The following PDE4D variants were observed in gnomAD, a reference collection of about 807,000 sequenced individuals.
The protein encoded by PDE4D is phosphodiesterase 4D.
In PDE4D, 24 loss-of-function variants were observed where a neutral mutation model predicts 87.4. That is an observed-to-expected ratio of 0.27 (90% CI 0.20 to 0.39). The LOEUF is 0.39. Ranked by LOEUF, PDE4D falls within the 10% of genes least tolerant of loss-of-function variation. PDE4D has a pLI of 1.00. For synonymous variants in PDE4D, 384 were observed against 383.2 expected (o/e 1.00, Z -0.02); for missense variants, 714 against 1,041.0 (o/e 0.69, Z 4.32).
intron 2 of PDE4D, among the ~76,000 whole-genome samples, chr5:60,008,695 T>C (rs1380818738): frequency 6.6e-6 from 1 of 152,000 alleles, no homozygotes; most frequent in East Asian, 1.9e-4. Flanking sequence ...AATGAATGAA[T>C]ATTTGGGGGA....
chr5:60,317,257 T>A (rs1315019351), intron 1 of PDE4D, among the ~76,000 whole-genome samples: 1 of 152,190 alleles, frequency 6.6e-6, no homozygotes, highest in African/African-American at 2.4e-5. Flanking sequence ...TCTTCTAGAT[T>A]TTCTAGTTTA....
At chr5:59,504,939 T>C (rs867129491) in intron 1 of PDE4D, among the ~76,000 whole-genome samples, 192 of 134,786 alleles carry the variant, frequency 1.4e-3, no homozygotes, top group African/African-American at 2.5e-3. Context: ...TGTGTGTGTG[T>C]GCGTGCGCGT....
intron 1 of PDE4D, among the ~76,000 whole-genome samples, chr5:59,514,479 GGGCC>G (rs1810835604): frequency 6.6e-6 from 1 of 151,868 alleles, no homozygotes; most frequent in South Asian, 2.1e-4. Context: ...AAATTACTAG[GGGCC>G]CCACTTTTCT....
At chr5:59,484,235 G>A (rs1315706781) in intron 1 of PDE4D, among the ~76,000 whole-genome samples, 5 of 152,166 alleles carry the variant, frequency 3.3e-5, no homozygotes, top group Admixed American at 1.3e-4. Context: ...TTTTTGAGGG[G>A]CTTCCCCTCC....
chr5:60,180,476 C>T (rs1230226009), intron 2 of PDE4D, among the ~76,000 whole-genome samples: 2 of 151,956 alleles, frequency 1.3e-5, no homozygotes, highest in Non-Finnish European at 2.9e-5. Flanking sequence ...TTCAGCCTTC[C>T]TAAAAAGAAT....
chr5:60,431,318 G>C lies in PDE4D; in HGVS notation c.-90+56624C>G, dbSNP rs1469864288. Among the ~76,000 whole-genome samples, 23 of 151,862 alleles carry C rather than the reference G, an allele frequency of 1.5e-4. 1 individual carries two copies. The highest frequency in any genetic ancestry group is 1.4e-3 in the Admixed American group (21 of 15,256). ...GGAGGGGCTCCTCACTTCTCAGACG[G>C]GGCGGTTGCCAGGCAGAGGGTCTCC... is the stretch of plus-strand genomic sequence containing the variant. On this transcript the variant is annotated intron_variant, in intron 1 of 16. Transcript: ENST00000502484.
intron 5 of PDE4D, among the ~76,000 whole-genome samples, chr5:59,056,155 T>C (rs1458676562): frequency 6.6e-6 from 1 of 152,078 alleles, no homozygotes; most frequent in Non-Finnish European, 1.5e-5. Context: ...GGGAATAGCG[T>C]GTGAACCACA....
intron 1 of PDE4D, chr5:60,429,911 C>T: frequency 9.9e-6 from 4 of 403,936 alleles, no homozygotes; most frequent in South Asian, 7.6e-5. Context: ...AGTTAGTTCA[C>T]ATTCACACCG....
chr5:59,067,545 A>T (rs1462854545), intron 5 of PDE4D, among the ~76,000 whole-genome samples: 1 of 152,154 alleles, frequency 6.6e-6, no homozygotes, highest in Non-Finnish European at 1.5e-5. Context: ...TAGGTTTCTG[A>T]TACAGTTTTT....
intron 1 of PDE4D, among the ~76,000 whole-genome samples, chr5:60,325,910 C>A (rs1383042454): frequency 6.6e-6 from 1 of 152,080 alleles, no homozygotes; most frequent in Non-Finnish European, 1.5e-5. Flanking sequence ...TAATTTGAAT[C>A]ATATAGTATG....
chr5:60,238,658 ATTGT>A (rs1164105422), intron 1 of PDE4D, among the ~76,000 whole-genome samples: 4 of 151,832 alleles, frequency 2.6e-5, no homozygotes, highest in South Asian at 2.1e-4. Context: ...TTTTCTGTCG[ATTGT>A]TTGTTCATAT....
intron 1 of PDE4D, among the ~76,000 whole-genome samples, chr5:59,841,235 G>C (rs138423870): frequency 5.3e-5 from 8 of 152,156 alleles, no homozygotes; most frequent in African/African-American, 1.9e-4. Context: ...TCTGCTTCTT[G>C]AACTGGAAGT....
At chr5:59,497,474 A>G (rs895395187) in intron 1 of PDE4D, among the ~76,000 whole-genome samples, 2 of 152,080 alleles carry the variant, frequency 1.3e-5, no homozygotes, top group Admixed American at 1.3e-4. Flanking sequence ...AAGACAACAT[A>G]GCTATATTAA....
chr5:59,027,892 G>C (rs1373953566), intron 6 of PDE4D, among the ~76,000 whole-genome samples: 1 of 151,858 alleles, frequency 6.6e-6, no homozygotes, highest in Non-Finnish European at 1.5e-5. Flanking sequence ...GTAGCTTCTA[G>C]ACCCTCTCGG....
At chr5:60,368,811 G>T (rs1490026190) in intron 1 of PDE4D, among the ~76,000 whole-genome samples, 1 of 152,096 alleles carries the variant, frequency 6.6e-6, no homozygotes, top group Non-Finnish European at 1.5e-5. Flanking sequence ...TCCAAGTGAA[G>T]ATGTGCCTGC....
chr5:59,171,136 C>G (rs1304911185), intron 5 of PDE4D, among the ~76,000 whole-genome samples: 1 of 152,164 alleles, frequency 6.6e-6, no homozygotes, highest in Non-Finnish European at 1.5e-5. Flanking sequence ...CCCGCCTCAG[C>G]CTCCCAAACT....
At chr5:60,185,554 T>C (rs1402200764) in intron 2 of PDE4D, 1 of 1,524,462 alleles carries the variant, frequency 6.6e-7, no homozygotes, top group East Asian at 2.5e-5. Flanking sequence ...AAAAGTTACT[T>C]ACACTTTTGC....
intron 1 of PDE4D, among the ~76,000 whole-genome samples, chr5:59,802,534 G>A (rs973378185): frequency 2.6e-5 from 4 of 151,670 alleles, no homozygotes; most frequent in Admixed American, 2.0e-4. Context: ...AAATAGCTGG[G>A]ATTACAGGTG....
chr5:59,838,768 A>G (rs916799656), intron 1 of PDE4D, among the ~76,000 whole-genome samples: 2 of 152,058 alleles, frequency 1.3e-5, no homozygotes, highest in African/African-American at 4.8e-5. Flanking sequence ...CATGGATGAA[A>G]GACGTAGGCA....
Sources: allele counts gnomAD v4.1 joint callset (sites outside exome capture counted in the v4.1 genomes callset), GRCh38; gene constraint gnomAD v4.1.1; transcripts MANE v1.5; gene names NCBI Gene and HGNC (gene_info 2026-07-23, HGNC 2026-07-21).